The following MACROD2 variants were observed in gnomAD, a reference collection of about 807,000 sequenced individuals.
MACROD2 encodes the protein mono-ADP ribosylhydrolase 2, also known as ADP-ribose glycohydrolase MACROD2.
In MACROD2, 36 loss-of-function variants were observed where a neutral mutation model predicts 70.4. The ratio of observed to expected loss-of-function variants is 0.51; its 90% CI spans 0.39 to 0.68. The LOEUF is 0.68. Ranked by LOEUF, MACROD2 falls within the 30% of genes least tolerant of loss-of-function variation. MACROD2 has a pLI of 0.00. For missense variants in MACROD2, 496 were observed against 538.4 expected, an observed-to-expected ratio of 0.92 and a Z score of 0.78; for synonymous variants, 172 against 178.8, an observed-to-expected ratio of 0.96 and a Z score of 0.30.
At chr20:15,089,793 G>A (rs994107700) in intron 5 of MACROD2, among the ~76,000 whole-genome samples, 1 of 152,020 alleles carries the variant, frequency 6.6e-6, no homozygotes, top group Non-Finnish European at 1.5e-5. Context: ...AGGATTGAGA[G>A]ACTTAGAAAA....
chr20:14,785,325 C>T (rs561355968), intron 5 of MACROD2, among the ~76,000 whole-genome samples: 65 of 152,168 alleles, frequency 4.3e-4, no homozygotes, highest in African/African-American at 1.5e-3. Flanking sequence ...ATTTCCTCTC[C>T]TGTTTCCCAC....
intron 6 of MACROD2, among the ~76,000 whole-genome samples, chr20:15,283,057 A>C (rs189819397): frequency 3.2e-4 from 48 of 152,302 alleles, no homozygotes; most frequent in African/African-American, 1.0e-3. Flanking sequence ...ACACTTATAA[A>C]ATAATCAGAT....
chr20:15,932,208 T>C (rs1010119315), intron 10 of MACROD2, among the ~76,000 whole-genome samples: 1 of 152,120 alleles, frequency 6.6e-6, no homozygotes, highest in Non-Finnish European at 1.5e-5. Flanking sequence ...ACATCTTTTC[T>C]CCCTCTCTCC....
intron 6 of MACROD2, among the ~76,000 whole-genome samples, chr20:15,250,773 A>G (rs2077148747): frequency 6.6e-6 from 1 of 151,970 alleles, no homozygotes; most frequent in Non-Finnish European, 1.5e-5. Context: ...TTACATTTAT[A>G]TTTGTATGCT....
At chr20:14,137,406 T>C (rs760804659) in intron 3 of MACROD2, among the ~76,000 whole-genome samples, 1 of 152,184 alleles carries the variant, frequency 6.6e-6, no homozygotes, top group Admixed American at 6.5e-5. Flanking sequence ...TTTCATATGT[T>C]TTCATGTTAC....
chr20:14,974,497 C>T (rs2074720146), intron 5 of MACROD2, among the ~76,000 whole-genome samples: 1 of 152,046 alleles, frequency 6.6e-6, no homozygotes, highest in South Asian at 2.1e-4. Context: ...GGGGGCACCA[C>T]AAAGGATAGT....
At chr20:14,647,038 G>A (rs1337668717) in intron 4 of MACROD2, among the ~76,000 whole-genome samples, 1 of 152,048 alleles carries the variant, frequency 6.6e-6, no homozygotes, top group Non-Finnish European at 1.5e-5. Context: ...TTATCAAGCT[G>A]GCACACCTCA....
intron 5 of MACROD2, among the ~76,000 whole-genome samples, chr20:15,031,555 C>T (rs1335613929): frequency 6.6e-6 from 1 of 152,084 alleles, no homozygotes; most frequent in Non-Finnish European, 1.5e-5. Flanking sequence ...AAGCGGCTAG[C>T]GTTCAGCAGA....
At chr20:15,365,090 G>A (rs6110580) in intron 6 of MACROD2, among the ~76,000 whole-genome samples, 1 of 152,174 alleles carries the variant, frequency 6.6e-6, no homozygotes, top group East Asian at 1.9e-4. Flanking sequence ...TTGCTTTTTA[G>A]GTCAACTTTA....
At chr20:15,269,368 A>T (rs420660) in intron 6 of MACROD2, among the ~76,000 whole-genome samples, 133,510 of 152,240 alleles carry the variant, frequency 0.88, 58,979 homozygotes, top group Non-Finnish European at 0.93. Context: ...CTTGGCCTTC[A>T]GTCCACCCAT....
At chr20:15,912,699 T>TG (rs760603166) in intron 10 of MACROD2, among the ~76,000 whole-genome samples, 9 of 152,114 alleles carry the variant, frequency 5.9e-5, no homozygotes, top group Admixed American at 2.0e-4. Flanking sequence ...GTGCCTTCAG[T>TG]GGAGGTTATT....
intron 6 of MACROD2, among the ~76,000 whole-genome samples, chr20:15,236,447 T>C (rs2077014709): frequency 6.6e-6 from 1 of 152,122 alleles, no homozygotes; most frequent in African/African-American, 2.4e-5. Flanking sequence ...GTTAGAGGGG[T>C]GAATGAGATC....
At chr20:14,179,769 C>T (rs956441375) in intron 3 of MACROD2, among the ~76,000 whole-genome samples, 1 of 152,076 alleles carries the variant, frequency 6.6e-6, no homozygotes, top group Non-Finnish European at 1.5e-5. Flanking sequence ...GGTGGAAGTA[C>T]AGTAGAGCAT....
chr20:16,025,332 G>A (rs991174940), intron 15 of MACROD2, among the ~76,000 whole-genome samples: 2 of 152,188 alleles, frequency 1.3e-5, no homozygotes, highest in Admixed American at 6.5e-5. Context: ...GAGATATGAG[G>A]CAAGGAGGCA....
chr20:14,251,987 G>T (rs1053153760), intron 3 of MACROD2, among the ~76,000 whole-genome samples: 3 of 151,934 alleles, frequency 2.0e-5, no homozygotes, highest in Non-Finnish European at 4.4e-5. Flanking sequence ...CCTTAATTTG[G>T]TTGTAAGCAA....
At chr20:15,875,728 T>C (rs1016364114) in intron 9 of MACROD2, among the ~76,000 whole-genome samples, 5 of 151,940 alleles carry the variant, frequency 3.3e-5, no homozygotes, top group African/African-American at 1.2e-4. Context: ...CCTGGGAACA[T>C]GAGCCTTGGC....
chr20:15,822,969 C>T (rs562305465), intron 8 of MACROD2, among the ~76,000 whole-genome samples: 4 of 152,302 alleles, frequency 2.6e-5, no homozygotes, highest in African/African-American at 9.6e-5. Flanking sequence ...AACCAGCCGG[C>T]ACGTTGGTTT....
At chr20:14,384,063 T>C (rs576751860) in intron 3 of MACROD2, among the ~76,000 whole-genome samples, 7 of 152,142 alleles carry the variant, frequency 4.6e-5, no homozygotes, top group Non-Finnish European at 8.8e-5. Context: ...TTCATATGCT[T>C]CTTGTAAACC....
chr20:14,070,976 C>CA (rs1317294614), intron 2 of MACROD2, among the ~76,000 whole-genome samples: 4 of 151,942 alleles, frequency 2.6e-5, no homozygotes, highest in South Asian at 2.1e-4. Flanking sequence ...TTTTGCTGGG[C>CA]AAAAAAACCC....
Sources: gnomAD v4.1 joint callset for allele counts (sites outside exome capture counted in the v4.1 genomes callset) on GRCh38, gnomAD v4.1.1 for gene constraint, MANE v1.5 for transcripts, NCBI Gene and HGNC (gene_info 2026-07-23, HGNC 2026-07-21) for gene names.